Variants in ANKRD26 observed in about 807,000 individuals in gnomAD.
ANKRD26 encodes ankyrin repeat domain-containing protein 26.
A neutral mutation model predicts 208.7 loss-of-function variants in ANKRD26; 141 were observed. That is an observed-to-expected ratio of 0.68 (90% CI 0.59 to 0.78). The LOEUF (loss-of-function observed/expected upper bound fraction) is 0.78. Ranked by LOEUF, ANKRD26 falls within the 30% of genes least tolerant of loss-of-function variation. The probability of loss-of-function intolerance (pLI) is 0.00; values close to 1 mark genes in which losing one functional copy is unlikely to be tolerated. For synonymous variants in ANKRD26, 636 were observed against 660.4 expected (o/e 0.96, Z 0.57); for missense variants, 1,889 against 1,938.7 (o/e 0.97, Z 0.48).
At chr10:27,012,394 T>TA (rs34704508) in intron 32 of ANKRD26, among the ~76,000 whole-genome samples, 1,538 of 142,044 alleles carry the variant, frequency 0.011, 8 homozygotes, top group Non-Finnish European at 0.015. Flanking sequence ...CTCTAGGGAC[T>TA]AAAAAAAAAA....
chr10:27,007,339 C>T (rs1484282649), intron 32 of ANKRD26, among the ~76,000 whole-genome samples: 1 of 152,138 alleles, frequency 6.6e-6, no homozygotes, highest in East Asian at 1.9e-4. Flanking sequence ...AGTTTTTTCA[C>T]TTTAGTGGAT....
At chr10:27,089,568 G>C (rs2056229696) in intron 4 of ANKRD26, among the ~76,000 whole-genome samples, 1 of 152,206 alleles carries the variant, frequency 6.6e-6, no homozygotes. Context: ...AAGGTTGATG[G>C]ATTGCTTGAG....
intron 16 of ANKRD26, chr10:27,051,796 T>A: frequency 1.0e-6 from 1 of 985,378 alleles, no homozygotes; most frequent in Non-Finnish European, 1.2e-6. Context: ...GAAGAAGGTA[T>A]TTCCTTTAAG....
intron 11 of ANKRD26, 38 bp downstream of exon 11, chr10:27,066,449 T>C: frequency 6.7e-7 from 1 of 1,483,322 alleles, no homozygotes; most frequent in Non-Finnish European, 9.3e-7. Context: ...CACTCAATGC[T>C]TATATTTTAA....
chr10:27,084,046 C>T (rs2135646080), intron 5 of ANKRD26, among the ~76,000 whole-genome samples: 1 of 152,002 alleles, frequency 6.6e-6, no homozygotes, highest in African/African-American at 2.4e-5. Context: ...AACCCCGTCT[C>T]TACTAAAAGT....
At chr10:26,951,013 C>CTTTTT in the ANKRD26 span, among the ~76,000 whole-genome samples, 31 of 100,898 alleles carry the variant, frequency 3.1e-4, no homozygotes, top group African/African-American at 1.4e-3. Flanking sequence ...CTTTTCTTTT[C>CTTTTT]TTTTTCTTTT....
At chr10:26,959,635 G>T in the ANKRD26 span, among the ~76,000 whole-genome samples, 1 of 150,120 alleles carries the variant, frequency 6.7e-6, no homozygotes, top group Non-Finnish European at 1.5e-5. Context: ...CACATAATTC[G>T]AATGCACTTT....
intron 9 of ANKRD26, 25 bp from the exon 10 acceptor site, chr10:27,067,311 C>T: frequency 6.2e-7 from 1 of 1,608,238 alleles, no homozygotes; most frequent in Non-Finnish European, 8.5e-7. Context: ...AACAAACAAA[C>T]AAAAAACTTC....
At chr10:26,996,017 G>C (rs972608344) in intron 4 of ANKRD26, among the ~76,000 whole-genome samples, 2 of 151,576 alleles carry the variant, frequency 1.3e-5, no homozygotes, top group Non-Finnish European at 1.5e-5. Context: ...TTGGCTGTGT[G>C]GATCTACAGG....
the ANKRD26 span, among the ~76,000 whole-genome samples, chr10:26,958,485 C>T: frequency 6.6e-6 from 1 of 152,024 alleles, no homozygotes; most frequent in African/African-American, 2.4e-5. Flanking sequence ...GTTGTTCCCC[C>T]CAGTGTGCCC....
intron 16 of ANKRD26, chr10:27,052,007 A>C: frequency 1.0e-6 from 1 of 985,330 alleles, no homozygotes; most frequent in Non-Finnish European, 1.2e-6. Context: ...ATACAGATAC[A>C]TCCTCTCTAT....
chr10:27,093,818 T>C lies in ANKRD26; in HGVS notation c.243-19A>G. 6.4e-7 allele frequency: 1 copy of C among 1,567,446 alleles called. No individual in the cohort carries two copies. On this transcript the variant is annotated intron_variant, in intron 1 of 33. Coordinates refer to ENST00000376087, the MANE Select transcript of ANKRD26 (RefSeq NM_014915.3). ...AGCCGTCCTATGAGAGTGACAGGAC[T>C]TTTTATAAACTGTAGTGCACTGTCT...
At chr10:27,071,926 G>A (rs2055518118) in intron 9 of ANKRD26, among the ~76,000 whole-genome samples, 1 of 152,228 alleles carries the variant, frequency 6.6e-6, no homozygotes, top group Non-Finnish European at 1.5e-5. Context: ...ACAGAGGGAA[G>A]CCATTCTTGA....
At chr10:27,095,000 CAAA>C (rs752989150) in intron 1 of ANKRD26, among the ~76,000 whole-genome samples, 1 of 97,666 alleles carries the variant, frequency 1.0e-5, no homozygotes. Flanking sequence ...ACCCTGTCTA[CAAA>C]AAAAAAAAAA....
At chr10:27,092,543 A>C in intron 3 of ANKRD26, 31 bp from the exon 4 acceptor site, 2 of 1,461,350 alleles carry the variant, frequency 1.4e-6, no homozygotes, top group Non-Finnish European at 1.9e-6. Context: ...GTTAAAATGC[A>C]TAAAATTACA....
Position 27,073,110 on chromosome 10 carries a change from T to A in ANKRD26, c.1077+4228A>T, listed in dbSNP as rs546555207. ...TGCACCACATTGAGAGGGCACCCCATGGGAAAAAAAGAAACCAGACTGCAG... is the reference window on the plus strand; with the variant it reads ...TGCACCACATTGAGAGGGCACCCCAAGGGAAAAAAAGAAACCAGACTGCAG... On this transcript the variant is annotated intron_variant, in intron 9 of 33. Coordinates refer to ENST00000376087, the MANE Select transcript of ANKRD26 (RefSeq NM_014915.3). 2.1e-4 allele frequency among the ~76,000 whole-genome samples: 32 copies of A among 152,168 alleles called. No individual in the cohort carries two copies. In the East Asian group the frequency reaches 6.0e-3, roughly 28 times the overall value.
chr10:26,949,341 C>T, the ANKRD26 span, among the ~76,000 whole-genome samples: 1 of 151,984 alleles, frequency 6.6e-6, no homozygotes, highest in Admixed American at 6.5e-5. Context: ...TTTGTGTTTG[C>T]ATCTCTAAAT....
At chr10:26,976,435 G>A (rs61851006) in intron 5 of ANKRD26, among the ~76,000 whole-genome samples, 2 of 152,104 alleles carry the variant, frequency 1.3e-5, no homozygotes, top group South Asian at 2.1e-4. Context: ...GGCTGGTCTC[G>A]AACTCCTGAC....
Position 26,975,402 on chromosome 10 carries a change from C to CTTTTTTTTTTTTTTTTTT in ANKRD26, c.*904_*921dup, listed in dbSNP as rs60226106. On this transcript the variant is annotated 3_prime_UTR_variant and NMD_transcript_variant, in exon 6 of 6. Coordinates refer to the ANKRD26 transcript ENST00000674670. ...AGCCACCTCGCCCAGCTAATTTTTG[C>CTTTTTTTTTTTTTTTTTT]TTTTTTTTTTTTTTTTTTGGTGTAG... Among the ~76,000 whole-genome samples, 34 of 90,472 alleles carry CTTTTTTTTTTTTTTTTTT rather than the reference C, an allele frequency of 3.8e-4. 5 individuals are homozygous for CTTTTTTTTTTTTTTTTTT. The highest frequency in any genetic ancestry group is 3.9e-4 in the Non-Finnish European group (19 of 49,342). 59.4% of individuals were successfully genotyped at this position (90,472 alleles called of 152,430 possible).
Sources: allele counts gnomAD v4.1 joint callset (sites outside exome capture counted in the v4.1 genomes callset), GRCh38; gene constraint gnomAD v4.1.1; transcripts MANE v1.5; gene names NCBI Gene and HGNC (gene_info 2026-07-23, HGNC 2026-07-21).